Variants in DAB1 observed in about 807,000 individuals in gnomAD.
DAB1 encodes DAB adaptor protein 1, also known as disabled homolog 1.
A neutral mutation model predicts 64.6 loss-of-function variants in DAB1; 15 were observed. The observed-to-expected ratio is 0.23, with a 90% CI of 0.16 to 0.36. The LOEUF (loss-of-function observed/expected upper bound fraction) is 0.36. DAB1 is among the 10% of genes least tolerant of loss of function. DAB1 has a pLI of 1.00. For missense variants in DAB1, 596 were observed against 706.7 expected, an observed-to-expected ratio of 0.84 and a Z score of 1.78; for synonymous variants, 235 against 251.9, an observed-to-expected ratio of 0.93 and a Z score of 0.64.
chr1:58,056,452 C>T (rs765860792), intron 5 of DAB1: 30 of 1,502,514 alleles, frequency 2.0e-5, no homozygotes, highest in South Asian at 6.7e-5. Flanking sequence ...CTTTTTGGCA[C>T]GACCATTGTT....
At chr1:57,124,109 T>C (rs1241741298) in intron 4 of DAB1, among the ~76,000 whole-genome samples, 2 of 152,164 alleles carry the variant, frequency 1.3e-5, no homozygotes, top group East Asian at 3.8e-4. Flanking sequence ...ATATGCATCT[T>C]GTAAGATTAA....
At chr1:57,811,976 AT>A (rs1651641839) in intron 6 of DAB1, among the ~76,000 whole-genome samples, 2 of 152,184 alleles carry the variant, frequency 1.3e-5, no homozygotes, top group Admixed American at 1.3e-4. Context: ...GCAGAAGAAC[AT>A]TTTTAAAGAG....
At chr1:58,295,182 G>A (rs368963887) in intron 4 of DAB1, among the ~76,000 whole-genome samples, 8 of 152,012 alleles carry the variant, frequency 5.3e-5, no homozygotes, top group Non-Finnish European at 1.2e-4. Flanking sequence ...CCACTTGAGG[G>A]CAATGACTAT....
chr1:57,099,073 T>G (rs1654431295), intron 4 of DAB1, among the ~76,000 whole-genome samples: 1 of 152,150 alleles, frequency 6.6e-6, no homozygotes, highest in Non-Finnish European at 1.5e-5. Flanking sequence ...CATTGGAGGC[T>G]CTGGGTCTAG....
intron 7 of DAB1, among the ~76,000 whole-genome samples, chr1:57,575,539 G>A (rs1479565230): frequency 6.6e-6 from 1 of 152,136 alleles, no homozygotes; most frequent in Non-Finnish European, 1.5e-5. Flanking sequence ...AAATGCAAAT[G>A]GCACCAGATG....
chr1:58,362,805 T>C (rs192307828), intron 3 of DAB1, among the ~76,000 whole-genome samples: 43 of 152,330 alleles, frequency 2.8e-4, no homozygotes, highest in Non-Finnish European at 5.6e-4. Flanking sequence ...AAGGAGGGGA[T>C]AGAGTTTGCC....
At chr1:57,583,647 C>T (rs1239327485) in intron 7 of DAB1, among the ~76,000 whole-genome samples, 2 of 152,120 alleles carry the variant, frequency 1.3e-5, no homozygotes, top group African/African-American at 4.8e-5. Flanking sequence ...AGCCCATGGG[C>T]CAGATTCAGC....
At position 58,337,856 on chromosome 1, in the gene DAB1, T is replaced by C. The variant is rs116608631; in HGVS notation, n.309+5496A>G. Among the ~76,000 whole-genome samples, 1,047 of 152,204 alleles carry C rather than the reference T, an allele frequency of 6.9e-3. 10 individuals are homozygous for C. Among genetic ancestry groups the C allele is most frequent in the Middle Eastern group, 0.061 (18 of 294 alleles). On this transcript the variant is annotated intron_variant and non_coding_transcript_variant, in intron 4 of 20. Transcript: ENST00000485760. ...GGTGTTCAATAAATGTTAAGTTCAG[T>C]GAGTATAGAGTTTCAGTCATGCAAA...
At chr1:57,219,472 GGCA>G (rs1666693533) in intron 2 of DAB1, among the ~76,000 whole-genome samples, 4 of 152,116 alleles carry the variant, frequency 2.6e-5, no homozygotes, top group African/African-American at 9.7e-5. Flanking sequence ...TACCATATGT[GGCA>G]GATCCACCCT....
chr1:58,266,895 T>C (rs1661180087), intron 4 of DAB1, among the ~76,000 whole-genome samples: 1 of 152,242 alleles, frequency 6.6e-6, no homozygotes, highest in South Asian at 2.1e-4. Flanking sequence ...TGGTTCTCTT[T>C]TGGCTTTAGA....
At chr1:57,716,958 G>T (rs1647091243) in intron 6 of DAB1, among the ~76,000 whole-genome samples, 1 of 152,108 alleles carries the variant, frequency 6.6e-6, no homozygotes, top group African/African-American at 2.4e-5. Context: ...ACATACAAAT[G>T]GGCCAGACAC....
intron 4 of DAB1, among the ~76,000 whole-genome samples, chr1:58,248,780 C>T (rs1011610327): frequency 5.9e-5 from 9 of 152,108 alleles, no homozygotes; most frequent in Admixed American, 2.6e-4. Context: ...TGACAAACCC[C>T]GCCAGTCATT....
chr1:57,171,962 T>C (rs1661811058), intron 2 of DAB1, among the ~76,000 whole-genome samples: 2 of 152,110 alleles, frequency 1.3e-5, no homozygotes, highest in African/African-American at 4.8e-5. Context: ...AAGTTCAAGA[T>C]CAAGTTGCCG....
At chr1:57,383,654 G>A (rs756208134) in intron 1 of DAB1, among the ~76,000 whole-genome samples, 3 of 152,038 alleles carry the variant, frequency 2.0e-5, no homozygotes, top group Admixed American at 6.6e-5. Flanking sequence ...AATTCAGTGG[G>A]GAAAAGACAG....
chr1:58,069,530 A>G (rs901023121), intron 5 of DAB1, among the ~76,000 whole-genome samples: 7 of 152,134 alleles, frequency 4.6e-5, no homozygotes, highest in Non-Finnish European at 1.0e-4. Flanking sequence ...CCTATTTTAA[A>G]AATAAACATG....
chr1:57,974,201 TCTC>T (rs749116536), intron 5 of DAB1, among the ~76,000 whole-genome samples: 1 of 152,144 alleles, frequency 6.6e-6, no homozygotes, highest in Non-Finnish European at 1.5e-5. Flanking sequence ...TCAGATGTCA[TCTC>T]CTCAGAGAGA....
rs59397849 is a variant in DAB1 at position 57,918,067 on chromosome 1, CAATAAATAAATA to C, written n.388-33917_388-33906del. ...GGGGTGACAGAGTGAGACTCCGTCT[CAATAAATAAATA>C]AATAAATAAATAAATAAATAAATAA... On this transcript the variant is annotated intron_variant and non_coding_transcript_variant, in intron 5 of 20. Transcript: ENST00000485760. Among the ~76,000 whole-genome samples the C allele has an allele frequency of 2.9e-3, 405 of 138,688 alleles. 2 individuals carry two copies. The highest frequency in any genetic ancestry group is 6.4e-3 in the African/African-American group (238 of 37,388). 91.0% of individuals were successfully genotyped at this position (138,688 alleles called of 152,430 possible).
chr1:58,484,676 C>T (rs1293391895), intron 3 of DAB1, among the ~76,000 whole-genome samples: 2 of 151,908 alleles, frequency 1.3e-5, no homozygotes, highest in African/African-American at 4.8e-5. Flanking sequence ...AGATTTCCTT[C>T]GATAGGTGAA....
At position 57,598,814 on chromosome 1, in the gene DAB1, G is replaced by C. The variant is rs190239725; in HGVS notation, n.625+50778C>G. On this transcript the variant is annotated intron_variant and non_coding_transcript_variant, in intron 7 of 20. Coordinates refer to the DAB1 transcript ENST00000485760. ...CCAGTTGGTGCAGGACACTGCAACA[G>C]AGCAGGTTTACATCCAGGGGCTCAG... Among the ~76,000 whole-genome samples the C allele has an allele frequency of 2.1e-3, 326 of 152,286 alleles. 1 individual carries two copies. Among genetic ancestry groups the C allele is most frequent in the African/African-American group, 7.3e-3 (303 of 41,566 alleles).
Sources: allele counts gnomAD v4.1 joint callset (sites outside exome capture counted in the v4.1 genomes callset), GRCh38; gene constraint gnomAD v4.1.1; transcripts MANE v1.5; gene names NCBI Gene and HGNC (gene_info 2026-07-23, HGNC 2026-07-21).